DDR1: variants seen among roughly 807,000 people sequenced by gnomAD.
DDR1 encodes epithelial discoidin domain-containing receptor 1.
Under a neutral mutation model 97.4 loss-of-function variants are expected in DDR1, and 64 were observed. The observed-to-expected ratio is 0.66, with a 90% CI of 0.54 to 0.81. The LOEUF (loss-of-function observed/expected upper bound fraction) is 0.81, where lower values mean the gene tolerates loss of function less well. Among genes scored for constraint, DDR1 ranks in the 30% least tolerant of loss-of-function variants. DDR1 has a pLI of 0.00. For synonymous variants in DDR1, 458 were observed against 503.7 expected, an observed-to-expected ratio of 0.91 and a Z score of 1.21; for missense variants, 990 against 1,259.6, an observed-to-expected ratio of 0.79 and a Z score of 3.24.
In DDR1 at chr6:30,896,658, C is replaced by A. The variant is rs756028903; in HGVS notation, c.1662C>A (p.Gly554=). ...ACTATATGGAGCCTGAGAAGCCAGG[C>A]GCCCCGCTTCTGCCCCCACCTCCCC... ...SGDYMEPEKP[G]APLLPPPPQN... The change falls in exon 13 of 18, where the codon GGC becomes GGA. Residue 554 remains glycine (G), a synonymous_variant. Coordinates refer to ENST00000376568, the MANE Select transcript of DDR1 (RefSeq NM_001297654.2). 3 of 1,613,474 alleles carry A rather than the reference C, an allele frequency of 1.9e-6. No homozygotes were observed. Among genetic ancestry groups the A allele is most frequent in the South Asian group, 2.2e-5 (2 of 91,004 alleles).
chr6:30,888,488 A>T lies in DDR1; in HGVS notation c.-42-200A>T. 1 of 609,170 alleles carries T rather than the reference A, an allele frequency of 1.6e-6. No homozygotes were observed. The highest frequency in any genetic ancestry group is 2.8e-6 in the Non-Finnish European group (1 of 352,028). The allele number at this position is 609,170 out of a possible 1,614,324, so 37.7% of individuals were successfully genotyped here. ...CCTTATGAAGTGACTGTGAAGATAAAATTATGGATTCTGTTTAAGGGTTTA... is the reference window on the plus strand; with the variant it reads ...CCTTATGAAGTGACTGTGAAGATAATATTATGGATTCTGTTTAAGGGTTTA... On this transcript the variant is annotated intron_variant, in intron 1 of 17. Coordinates refer to ENST00000376568, the MANE Select transcript of DDR1 (RefSeq NM_001297654.2). This position sits in a 1 kb window ranked among gnomAD's most constrained non-coding sequence, Gnocchi z 4.2.
chr6:30,885,814 A>G, intron 1 of DDR1: 1 of 1,289,762 alleles, frequency 7.8e-7, no homozygotes, highest in Non-Finnish European at 1.0e-6. Context: ...CCAGTTCAGT[A>G]AGTTTGTGTG....
chr6:30,898,054 C>T lies in DDR1; in HGVS notation c.2217-19C>T, dbSNP rs1582109196. The T allele has an allele frequency of 6.3e-7, 1 of 1,599,286 alleles. No homozygotes were observed. The highest frequency in any genetic ancestry group is 2.2e-5 in the East Asian group (1 of 44,790). On this transcript the variant is annotated intron_variant, in intron 15 of 17. Coordinates refer to ENST00000376568, the MANE Select transcript of DDR1 (RefSeq NM_001297654.2). ...CTGCGAAGCTGCCCCCAGTGACCTT[C>T]TGTCGGTTCCCTTCTCAGCTACCCA...
Position 30,894,775 on chromosome 6 carries a change from G to C in DDR1, c.1513+104G>C, listed in dbSNP as rs1475612498. On this transcript the variant is annotated intron_variant, in intron 11 of 17. Transcript: ENST00000376568. This position sits in a 1 kb window ranked among gnomAD's most constrained non-coding sequence, Gnocchi z 5.7. ...TTCCTGTCTTCCCCAGTTTCCACTT[G>C]TTTTCTTCTTTCTGTGCCCCTGGTT... 7 of 1,310,920 alleles carry C rather than the reference G, an allele frequency of 5.3e-6. No homozygotes were observed. Among genetic ancestry groups the C allele is most frequent in the South Asian group, 1.6e-5 (1 of 64,372 alleles). The allele number at this position is 1,310,920 out of a possible 1,614,324, so 81.2% of individuals were successfully genotyped here.
rs1376818561 is a variant in DDR1, at chr6:30,891,157, G to A, written c.565+37G>A. ...AGCTTCCTGGGAATCTGTTTCCTGA[G>A]CAGGGGACTGGAGGGTGGGGAGTGT... On this transcript the variant is annotated intron_variant, in intron 5 of 17. Transcript: ENST00000376568. This position sits in a 1 kb window ranked among gnomAD's most constrained non-coding sequence, Gnocchi z 5.3. 2 of 1,611,326 alleles carry A rather than the reference G, an allele frequency of 1.2e-6. No individual in the cohort carries two copies. Among genetic ancestry groups the A allele is most frequent in the Non-Finnish European group, 8.5e-7 (1 of 1,179,656 alleles).
At position 30,890,402 on chromosome 6, in the gene DDR1, C is replaced by T. The variant is rs1159998100; in HGVS notation, c.418-571C>T. The T allele has an allele frequency of 6.6e-6, 1 of 152,526 alleles. No individual in the cohort carries two copies. Among genetic ancestry groups the T allele is most frequent in the African/African-American group, 2.4e-5 (1 of 41,446 alleles). 9.4% of individuals were successfully genotyped at this position (152,526 alleles called of 1,614,324 possible). A position where few individuals can be genotyped will look rare whatever the true frequency, so the allele number is the denominator to read the frequency against. On this transcript the variant is annotated intron_variant, in intron 4 of 17. Coordinates refer to ENST00000376568, the MANE Select transcript of DDR1 (RefSeq NM_001297654.2). The surrounding 1 kb of genome is among the most constrained non-coding windows in gnomAD (Gnocchi z 5.0). Reference sequence around the variant, plus strand: ...AATAACCACAGGCTCTCCCTCACTCCATTCAGTTCTCTGCCAGGTGTCACC... The same window carrying T: ...AATAACCACAGGCTCTCCCTCACTCTATTCAGTTCTCTGCCAGGTGTCACC...
chr6:30,885,550 A>AGGG lies in DDR1; in HGVS notation c.-43+841_-43+843dup, dbSNP rs1785470775. The AGGG allele has an allele frequency of 1.6e-5, 19 of 1,186,704 alleles. No homozygotes were observed. The East Asian group carries it at 2.7e-4, about 17-fold the overall frequency. The allele number at this position is 1,186,704 out of a possible 1,614,324, so 73.5% of individuals were successfully genotyped here. A position where few individuals can be genotyped will look rare whatever the true frequency, so the allele number is the denominator to read the frequency against. ...CAGTTCTCTGGGGATCCTGTGCCCA[A>AGGG]GGGCCCGGGTGTGTGTGTCTCATGC... is the stretch of plus-strand genomic sequence containing the variant. On this transcript the variant is annotated intron_variant, in intron 1 of 17. Transcript: ENST00000376568.
chr6:30,898,942 G>T lies in DDR1; in HGVS notation c.2506G>T (p.Val836Leu), dbSNP rs991312762. 9 of 1,614,098 alleles carry T rather than the reference G, an allele frequency of 5.6e-6. No homozygotes were observed. Among genetic ancestry groups the T allele is most frequent in the Non-Finnish European group, 6.8e-6 (8 of 1,179,964 alleles). The change falls in exon 17 of 18, where the codon GTG (valine) becomes TTG (leucine). Residue 836 changes from valine (V) to leucine (L), a missense_variant. Val to Leu is a conservative substitution (Grantham distance 32, BLOSUM62 1). Transcript: ENST00000376568. Reference protein sequence around the residue: ...VWAFGVTLWEVLMLCRAQPFG... With the variant: ...VWAFGVTLWELLMLCRAQPFG... ...GGCCTTTGGTGTGACCCTGTGGGAG[G>T]TGCTGATGCTCTGTAGGGCCCAGCC...
rs1235039836 is a variant in DDR1, at chr6:30,884,854, G to T, written c.-43+144G>T. The T allele has an allele frequency of 7.8e-5, 19 of 244,658 alleles. No homozygotes were observed. In the East Asian group the frequency reaches 1.1e-3, roughly 15 times the overall value. 15.2% of individuals were successfully genotyped at this position (244,658 alleles called of 1,614,324 possible). A position where few individuals can be genotyped will look rare whatever the true frequency, so the allele number is the denominator to read the frequency against. ...TCGTCCAGCTCTTCTAAGCCTCCCT[G>T]CCCGCCTCCCCGATGCTCTGGCATA... On this transcript the variant is annotated intron_variant, in intron 1 of 17. Transcript: ENST00000376568. The surrounding 1 kb of genome is among the most constrained non-coding windows in gnomAD (Gnocchi z 6.1).
chr6:30,885,364 G>A, intron 1 of DDR1: 1 of 1,134,896 alleles, frequency 8.8e-7, no homozygotes. Flanking sequence ...GGTGTGTCCA[G>A]GACTGAGTGG....
intron 1 of DDR1, chr6:30,885,733 A>G (rs139080356): frequency 1.0e-5 from 13 of 1,295,932 alleles, no homozygotes; most frequent in Middle Eastern, 2.1e-4. Flanking sequence ...TGTCTCAGAA[A>G]CTCTGTGAGG....
intron 1 of DDR1, chr6:30,885,246 C>T (rs1347085289): frequency 1.3e-6 from 2 of 1,532,892 alleles, no homozygotes; most frequent in Admixed American, 2.0e-5. Flanking sequence ...GCGCCAGCTT[C>T]AGGGTCCCAC....
chr6:30,882,155 C>A (rs1358705208), upstream of DDR1, among the ~76,000 whole-genome samples: 1 of 152,210 alleles, frequency 6.6e-6, no homozygotes, highest in Non-Finnish European at 1.5e-5. This position sits in a 1 kb window ranked among gnomAD's most constrained non-coding sequence, Gnocchi z 4.8. Context: ...TCTGGTCCGT[C>A]CTCTCGCTCG....
In DDR1 at chr6:30,891,988, C is replaced by A; in HGVS notation, c.666-14C>A. 4 of 1,613,330 alleles carry A rather than the reference C, an allele frequency of 2.5e-6. No individual in the cohort carries two copies. Among genetic ancestry groups the A allele is most frequent in the Non-Finnish European group, 3.4e-6 (4 of 1,179,684 alleles). ...CCCTTCCAACCTCCTCTTCCTTGGT[C>A]CCCTCTTCTCCAGACTGCAGTATGG... On this transcript the variant is annotated splice_polypyrimidine_tract_variant and intron_variant, in intron 6 of 17. Coordinates refer to ENST00000376568, the MANE Select transcript of DDR1 (RefSeq NM_001297654.2). The surrounding 1 kb of genome is among the most constrained non-coding windows in gnomAD (Gnocchi z 5.3).
chr6:30,882,999 G>C (rs1784541261), upstream of DDR1: 1 of 152,468 alleles, frequency 6.6e-6, no homozygotes, highest in Admixed American at 6.5e-5. This position sits in a 1 kb window ranked among gnomAD's most constrained non-coding sequence, Gnocchi z 4.8. Flanking sequence ...TGTTCTGGGG[G>C]AATGAATCCC....
Position 30,893,173 on chromosome 6 carries a change from C to T in DDR1, c.1195+10C>T, listed in dbSNP as rs752806738. 34 of 1,605,246 alleles carry T rather than the reference C, an allele frequency of 2.1e-5. No individual in the cohort carries two copies. The highest frequency in any genetic ancestry group is 2.5e-5 in the Non-Finnish European group (29 of 1,178,684). On this transcript the variant is annotated intron_variant, in intron 9 of 17. Transcript: ENST00000376568. ...AACTTCAGCAGCTTGGGTGAGCAATCTTGGGTGGGCGTGTGGACCCTCTGC... is the reference window on the plus strand; with the variant it reads ...AACTTCAGCAGCTTGGGTGAGCAATTTTGGGTGGGCGTGTGGACCCTCTGC...
At chr6:30,893,511 C>T (rs568675521) in intron 10 of DDR1, 88 bp downstream of exon 10, 3 of 1,494,956 alleles carry the variant, frequency 2.0e-6, no homozygotes, top group African/African-American at 1.4e-5. Flanking sequence ...GGGCACAGCC[C>T]ACTAGCATCC....
Position 30,889,479 on chromosome 6 carries a change from C to T in DDR1, c.417+49C>T. ...CAGAGGAGGTTGGCTCTCCTCACTT[C>T]CAGCTGTACTTTAAACACCACCTAT... On this transcript the variant is annotated intron_variant, in intron 4 of 17. Coordinates refer to ENST00000376568, the MANE Select transcript of DDR1 (RefSeq NM_001297654.2). This position sits in a 1 kb window ranked among gnomAD's most constrained non-coding sequence, Gnocchi z 4.9. The T allele has an allele frequency of 7.3e-7, 1 of 1,361,876 alleles. No homozygotes were observed. The highest frequency in any genetic ancestry group is 2.5e-5 in the East Asian group (1 of 39,778). The allele number at this position is 1,361,876 out of a possible 1,614,324, so 84.4% of individuals were successfully genotyped here.
rs769820245 is a variant in DDR1 at position 30,898,923 on chromosome 6, T to C, written c.2487T>C (p.Phe829=). Residue 829 remains phenylalanine (F), a synonymous_variant, in exon 17 of 18, where the codon TTT becomes TTC. Transcript: ENST00000376568. ...CGACTGCGAGTGACGTGTGGGCCTT[T>C]GGTGTGACCCTGTGGGAGGTGCTGA... ...KFTTASDVWA[F]GVTLWEVLML... 1 of 1,613,422 alleles carries C rather than the reference T, an allele frequency of 6.2e-7. No individual in the cohort carries two copies. Among genetic ancestry groups the C allele is most frequent in the African/African-American group, 1.3e-5 (1 of 74,998 alleles).
Sources: gnomAD v4.1 joint callset for allele counts (sites outside exome capture counted in the v4.1 genomes callset) on GRCh38, gnomAD v4.1.1 for gene constraint, Gnocchi (gnomAD v3.1) non-coding constraint, MANE v1.5 for transcripts, NCBI Gene and HGNC (gene_info 2026-07-23, HGNC 2026-07-21) for gene names.